Variants in IRX4 observed in about 807,000 individuals in gnomAD.
The protein encoded by IRX4 is iroquois homeobox 4.
In IRX4, 22 loss-of-function variants were observed where a neutral mutation model predicts 32.0. The ratio of observed to expected loss-of-function variants is 0.69; its 90% CI spans 0.49 to 0.98. The LOEUF (loss-of-function observed/expected upper bound fraction) is 0.98, where lower values mean the gene tolerates loss of function less well. Ranked by LOEUF, IRX4 falls within the 50% of genes least tolerant of loss-of-function variation. The pLI, the probability that IRX4 is intolerant of heterozygous loss-of-function variation, is 0.00. For synonymous variants in IRX4, 379 were observed against 351.7 expected, an observed-to-expected ratio of 1.08 and a Z score of -0.87; for missense variants, 840 against 744.2, an observed-to-expected ratio of 1.13 and a Z score of -1.50.
In IRX4 at chr5:1,878,600, G is replaced by C. The variant is rs1440409191; in HGVS notation, c.929C>G (p.Ala310Gly). 1.9e-6 allele frequency: 3 copies of C among 1,557,554 alleles called. No individual in the cohort carries two copies. Among genetic ancestry groups the C allele is most frequent in the Non-Finnish European group, 2.6e-6 (3 of 1,151,930 alleles). ...CTCGTCCAGAGCAGCTCCGCCACCC[G>C]CGGCCAGAGACATCCGGAGCGCGCC... ...ASGALRMSLA[A>G]GGGAALDEDL... is the part of the protein sequence containing the mutation. The change falls in exon 5 of 5, where the codon GCG (alanine) becomes GGG (glycine). Residue 310 changes from alanine (A) to glycine (G), a missense_variant. By Grantham distance (60) the Ala-to-Gly change is moderately conservative (BLOSUM62 0). Coordinates refer to ENST00000231357, the MANE Select transcript of IRX4 (RefSeq NM_016358.3).
chr5:1,878,666 C>T lies in IRX4; in HGVS notation c.863G>A (p.Arg288His). 6.3e-7 allele frequency: 1 copy of T among 1,576,054 alleles called. No homozygotes were observed. Among genetic ancestry groups the T allele is most frequent in the Non-Finnish European group, 8.6e-7 (1 of 1,161,236 alleles). The part of the protein sequence containing the change: ...PFHSLDGGLE[R>H]VPAAPDGPVK... ...CGGGCCGTCGGGCGCGGCGGGGACG[C>T]GCTCCAGACCGCCGTCCAGGGAGTG... The change falls in exon 5 of 5, where the codon CGC becomes CAC. Residue 288 changes from arginine (R) to histidine (H), a missense_variant. Arg to His is a conservative substitution (Grantham distance 29). Coordinates refer to ENST00000231357, the MANE Select transcript of IRX4 (RefSeq NM_016358.3).
rs188302661 is a variant in IRX4 at position 1,879,224 on chromosome 5, C to T, written c.736+280G>A. 3.2e-3 allele frequency among the ~76,000 whole-genome samples: 490 copies of T among 152,264 alleles called. 1 individual carries two copies. The highest frequency in any genetic ancestry group is 0.011 in the African/African-American group (459 of 41,546). On this transcript the variant is annotated intron_variant, in intron 4 of 4. Transcript: ENST00000231357. ...GCCAGGATGGTCTCAATCTCCTGAC[C>T]TCGTGATCCGCCCGCCTCTGCCTTC... is the stretch of plus-strand genomic sequence containing the variant.
rs183641153 is a variant in IRX4 at position 1,879,147 on chromosome 5, A to G, written c.737-355T>C. Among the ~76,000 whole-genome samples the G allele has an allele frequency of 2.5e-3, 387 of 151,872 alleles. 3 individuals carry two copies. Among genetic ancestry groups the G allele is most frequent in the African/African-American group, 9.1e-3 (375 of 41,366 alleles). Reference sequence around the variant, plus strand: ...GCTGGGACTACAGGCGCCCGCCACCACGCCCGGCTAATTTTTTGTATTTTT... The same window carrying G: ...GCTGGGACTACAGGCGCCCGCCACCGCGCCCGGCTAATTTTTTGTATTTTT... On this transcript the variant is annotated intron_variant, in intron 4 of 4. Coordinates refer to ENST00000231357, the MANE Select transcript of IRX4 (RefSeq NM_016358.3).
chr5:1,883,840 C>G (rs970935813), upstream of IRX4: 1 of 152,220 alleles, frequency 6.6e-6, no homozygotes, highest in African/African-American at 2.4e-5. Context: ...CCTGCGCGCT[C>G]GGAAGAGCAG....
At chr5:1,885,525 C>A (rs1021687426), upstream of IRX4, among the ~76,000 whole-genome samples, 1 of 152,158 alleles carries the variant, frequency 6.6e-6, no homozygotes, top group Non-Finnish European at 1.5e-5. Flanking sequence ...CAGGCCCCAG[C>A]GCCTGGGGTC....
chr5:1,886,472 G>A (rs924541544), upstream of IRX4, among the ~76,000 whole-genome samples: 10 of 152,220 alleles, frequency 6.6e-5, no homozygotes, highest in Non-Finnish European at 1.5e-4. Context: ...GAACCTCGAG[G>A]TTGGCAGGTC....
rs186634968 is a variant in IRX4, at chr5:1,881,188, T to G, written c.298-354A>C. ...CAGCTGGGAGAAGGAGTGGGGATTG[T>G]TAGGGCTGGGGATGCCCTGGGATGC... is the stretch of plus-strand genomic sequence containing the variant. On this transcript the variant is annotated intron_variant, in intron 2 of 4. Transcript: ENST00000231357. The G allele has an allele frequency of 5.1e-3, 1,824 of 355,962 alleles. 23 individuals are homozygous for G. Among genetic ancestry groups the G allele is most frequent in the African/African-American group, 0.025 (1,098 of 44,556 alleles). 22.1% of individuals were successfully genotyped at this position (355,962 alleles called of 1,614,324 possible). A position where few individuals can be genotyped will look rare whatever the true frequency, so the allele number is the denominator to read the frequency against.
Position 1,878,072 on chromosome 5 carries a change from G to C in IRX4, c.1457C>G (p.Ala486Gly), listed in dbSNP as rs1418865526. The change falls in exon 5 of 5, where the codon GCC (alanine) becomes GGC (glycine). Residue 486 changes from alanine (A) to glycine (G), a missense_variant. By Grantham distance (60) the Ala-to-Gly change is moderately conservative. This residue lies in a region of IRX4 where 585 missense variants were observed against 488.0 expected (regional missense o/e 1.20). Transcript: ENST00000231357. ...GGGCACGGCAGGCGGAAAGGCGCGG[G>C]CCAGGGGTGCAGTCAGCACGTTCGC... ...AGANVLTAPL[A>G]RAFPPAVPQD... The C allele has an allele frequency of 9.2e-6, 14 of 1,523,488 alleles. No homozygotes were observed. Among genetic ancestry groups the C allele is most frequent in the Non-Finnish European group, 1.2e-5 (14 of 1,140,810 alleles). The allele number at this position is 1,523,488 out of a possible 1,614,324, so 94.4% of individuals were successfully genotyped here. A position where few individuals can be genotyped will look rare whatever the true frequency, so the allele number is the denominator to read the frequency against.
chr5:1,886,546 C>T (rs1487411226), upstream of IRX4, among the ~76,000 whole-genome samples: 1 of 152,188 alleles, frequency 6.6e-6, no homozygotes, highest in African/African-American at 2.4e-5. Flanking sequence ...CAGGGACAAG[C>T]GGTGAATCTC....
At position 1,878,330 on chromosome 5, in the gene IRX4, G is replaced by A; in HGVS notation, c.1199C>T (p.Pro400Leu). ...GGAGGACACAGCCGCAGGGGCCGCGGGACCTTGGCGCTTGAGCATGCACGA... is the reference window on the plus strand; with the variant it reads ...GGAGGACACAGCCGCAGGGGCCGCGAGACCTTGGCGCTTGAGCATGCACGA... Reference protein sequence around the residue: ...FPSCMLKRQGPAAPAAVSSAP... With the variant: ...FPSCMLKRQGLAAPAAVSSAP... The change falls in exon 5 of 5, where the codon CCC becomes CTC. Residue 400 changes from proline (P) to leucine (L), a missense_variant. This residue lies in a region of IRX4 where 585 missense variants were observed against 488.0 expected (regional missense o/e 1.20). Transcript: ENST00000231357. 1 of 1,553,942 alleles carries A rather than the reference G, an allele frequency of 6.4e-7. No individual in the cohort carries two copies. The highest frequency in any genetic ancestry group is 8.7e-7 in the Non-Finnish European group (1 of 1,150,716).
upstream of IRX4, among the ~76,000 whole-genome samples, chr5:1,885,263 T>A (rs1735591501): frequency 6.6e-6 from 1 of 152,140 alleles, no homozygotes; most frequent in Non-Finnish European, 1.5e-5. Context: ...CGGCCATTCA[T>A]CTTCTGAGCA....
At position 1,880,830 on chromosome 5, in the gene IRX4, C is replaced by T; in HGVS notation, c.302G>A (p.Ser101Asn). 1 of 1,613,366 alleles carries T rather than the reference C, an allele frequency of 6.2e-7. No individual in the cohort carries two copies. Among genetic ancestry groups the T allele is most frequent in the Non-Finnish European group, 8.5e-7 (1 of 1,179,694 alleles). Residue 101 changes from serine to asparagine, a missense_variant, in exon 3 of 5, where the codon AGC (serine) becomes AAC (asparagine). This residue lies in a region of IRX4 where 241 missense variants were observed against 220.8 expected (regional missense o/e 1.09). Transcript: ENST00000231357. ...TCCCGAACCATCCTTGGAATCAAAG[C>T]TGTTCTGTGGGAGCCAAGAGTCTGG... is the stretch of plus-strand genomic sequence containing the variant. Reference protein sequence around the residue: ...SEASAFYSLNSFDSKDGSGSA... With the variant: ...SEASAFYSLNNFDSKDGSGSA...
rs1374252594 is a variant in IRX4 at position 1,879,606 on chromosome 5, T to A, written c.634A>T (p.Asn212Tyr). 1 of 1,613,920 alleles carries A rather than the reference T, an allele frequency of 6.2e-7. No individual in the cohort carries two copies. The highest frequency in any genetic ancestry group is 8.5e-7 in the Non-Finnish European group (1 of 1,180,040). Residue 212 changes from asparagine to tyrosine, a missense_variant, in exon 4 of 5, where the codon AAC (asparagine) becomes TAC (tyrosine). By Grantham distance (143) the Asn-to-Tyr change is moderately radical. Coordinates refer to ENST00000231357, the MANE Select transcript of IRX4 (RefSeq NM_016358.3). ...GGCCGCTTCTCGTCTGCGCACTTGT[T>A]CCGCGGCGGCCACGTCATCTTGTTC... is the stretch of plus-strand genomic sequence containing the variant. Reference protein sequence around the residue: ...KENKMTWPPRNKCADEKRPYA... With the variant: ...KENKMTWPPRYKCADEKRPYA...
At chr5:1,885,935 C>A (rs1338109314), upstream of IRX4, among the ~76,000 whole-genome samples, 1 of 152,362 alleles carries the variant, frequency 6.6e-6, no homozygotes, top group African/African-American at 2.4e-5. Flanking sequence ...ACTAAATACA[C>A]CCGTGAGCAG....
In IRX4 at chr5:1,878,322, G is replaced by T; in HGVS notation, c.1207C>A (p.Pro403Thr). Residue 403 changes from proline to threonine, a missense_variant, in exon 5 of 5, where the codon CCT becomes ACT. Physicochemically the swap from Pro to Thr is conservative, Grantham distance 38. This residue lies in a region of IRX4 where 585 missense variants were observed against 488.0 expected (regional missense o/e 1.20). Transcript: ENST00000231357. ...GCGGGCGCGGAGGACACAGCCGCAG[G>T]GGCCGCGGGACCTTGGCGCTTGAGC... ...CMLKRQGPAA[P>T]AAVSSAPATS... 1 of 1,562,364 alleles carries T rather than the reference G, an allele frequency of 6.4e-7. No individual in the cohort carries two copies.
Position 1,877,934 on chromosome 5 carries a change from C to A in IRX4, c.*35G>T. 1 of 1,473,524 alleles carries A rather than the reference C, an allele frequency of 6.8e-7. No individual in the cohort carries two copies. 91.3% of individuals were successfully genotyped at this position (1,473,524 alleles called of 1,614,324 possible). On this transcript the variant is annotated 3_prime_UTR_variant, in exon 5 of 5. Coordinates refer to ENST00000231357, the MANE Select transcript of IRX4 (RefSeq NM_016358.3). ...AAAGAGTCGGCGCCGTCCGCCTGAG[C>A]GCGGGTTCCCTCCTGGGCTCGGGAC...
chr5:1,878,970 C>A (rs1283768559), intron 4 of IRX4, among the ~76,000 whole-genome samples, 178 bp from the exon 5 acceptor site: 3 of 151,736 alleles, frequency 2.0e-5, no homozygotes, highest in Admixed American at 1.3e-4. Context: ...ACACAGGGGC[C>A]TCCAATGGGG....
At position 1,881,896 on chromosome 5, in the gene IRX4, A is replaced by T; in HGVS notation, c.209T>A (p.Leu70Gln). The T allele has an allele frequency of 1.3e-6, 2 of 1,585,588 alleles. No homozygotes were observed. The highest frequency in any genetic ancestry group is 1.7e-6 in the Non-Finnish European group (2 of 1,166,766). Residue 70 changes from leucine to glutamine, a missense_variant, in exon 2 of 5, where the codon CTG becomes CAG. This residue lies in a region of IRX4 where 241 missense variants were observed against 220.8 expected (regional missense o/e 1.09). Transcript: ENST00000231357. ...GCCATAGGGACCCCCATAGACGCCC[A>T]GCGCCGCGGCCGAGTTGAGCTCGTG... ...ARHELNSAAA[L>Q]GVYGGPYGGS...
rs1735367159 is a variant in IRX4, at chr5:1,879,834, T to C, written c.408-2A>G. ...GTGCCGCTGTCCATGGTTCCATACC[T>C]GGAGACAGGCTCTGCAATGGGCTCA... is the stretch of plus-strand genomic sequence containing the variant. On this transcript the variant is annotated splice_acceptor_variant, in intron 3 of 4. Transcript: ENST00000231357. LOFTEE classifies it high-confidence loss of function. The C allele has an allele frequency of 6.2e-7, 1 of 1,613,630 alleles. No individual in the cohort carries two copies. Among genetic ancestry groups the C allele is most frequent in the African/African-American group, 1.3e-5 (1 of 74,938 alleles).
Sources: allele counts gnomAD v4.1 joint callset (sites outside exome capture counted in the v4.1 genomes callset), GRCh38; gene constraint gnomAD v4.1.1; regional missense constraint gnomAD v4.1.1; transcripts MANE v1.5; gene names NCBI Gene and HGNC (gene_info 2026-07-23, HGNC 2026-07-21).